ODC1: variants seen among roughly 807,000 people sequenced by gnomAD.
ODC1 encodes ornithine decarboxylase 1, also known as ornithine decarboxylase.
ODC1 carries 18 observed loss-of-function variants against 41.5 expected under a neutral mutation model. The observed-to-expected ratio is 0.43, with a 90% CI of 0.30 to 0.64. The LOEUF (loss-of-function observed/expected upper bound fraction) is 0.64, where lower values mean the gene tolerates loss of function less well. Among genes scored for constraint, ODC1 ranks in the 30% least tolerant of loss-of-function variants. The pLI, the probability that ODC1 is intolerant of heterozygous loss-of-function variation, is 0.11. For synonymous variants in ODC1, 218 were observed against 211.6 expected, an observed-to-expected ratio of 1.03 and a Z score of -0.26; for missense variants, 504 against 589.0, an observed-to-expected ratio of 0.86 and a Z score of 1.49.
chr2:10,446,668 A>T, intron 1 of ODC1: 1 of 351,930 alleles, frequency 2.8e-6, no homozygotes, highest in East Asian at 1.2e-4. Flanking sequence ...AAAATTATTT[A>T]TTTTAACCTT....
At position 10,441,840 on chromosome 2, in the gene ODC1, G is replaced by A. The variant is rs1188218646; in HGVS notation, c.1003C>T (p.His335Tyr). ...ACCTTTTGCAGAAGGGGCTTTACAT[G>A]TGCGTGGTCATAGAGTATGCAATTA... ...SFNCILYDHA[H>Y]VKPLLQKRPK... The change falls in exon 10 of 12, where the codon CAT (histidine) becomes TAT (tyrosine). Residue 335 changes from histidine (H) to tyrosine (Y), a missense_variant. Coordinates refer to ENST00000234111, the MANE Select transcript of ODC1 (RefSeq NM_002539.3). 1.9e-6 allele frequency: 3 copies of A among 1,614,118 alleles called. No individual in the cohort carries two copies. In the Admixed American group the frequency reaches 5.0e-5, roughly 27 times the overall value.
intron 1 of ODC1, among the ~76,000 whole-genome samples, chr2:10,445,516 T>C (rs533418443): frequency 9.2e-5 from 14 of 152,366 alleles, no homozygotes; most frequent in African/African-American, 3.4e-4. Flanking sequence ...CAAAAAAATC[T>C]AGCATGCAAG....
At chr2:10,447,924 G>C (rs941099674) in intron 1 of ODC1, 197 bp downstream of exon 1, 1 of 152,180 alleles carries the variant, frequency 6.6e-6, no homozygotes, top group African/African-American at 2.4e-5. Context: ...CGAGGCGCCC[G>C]GATCACCCTT....
At chr2:10,441,784 T>C (rs1227269665) in intron 10 of ODC1, 33 bp downstream of exon 10, 1 of 1,612,524 alleles carries the variant, frequency 6.2e-7, no homozygotes, top group Admixed American at 1.7e-5. Flanking sequence ...ACCAGTCCTC[T>C]TAATTGTTTT....
intron 6 of ODC1, 56 bp downstream of exon 6, chr2:10,443,646 T>C (rs188863393): frequency 7.7e-4 from 1,237 of 1,607,252 alleles, no homozygotes; most frequent in Non-Finnish European, 9.5e-4. Flanking sequence ...GGAGAAAGCC[T>C]GTAAAACTCA....
At chr2:10,443,982 AACT>A in intron 5 of ODC1, 110 bp downstream of exon 5, 2 of 1,457,062 alleles carry the variant, frequency 1.4e-6, no homozygotes, top group Non-Finnish European at 1.9e-6. Context: ...TGGGGGTTTC[AACT>A]ACTTTCTACT....
chr2:10,446,008 A>T (rs1671999960), intron 1 of ODC1, among the ~76,000 whole-genome samples: 1 of 152,212 alleles, frequency 6.6e-6, no homozygotes, highest in Admixed American at 6.5e-5. Context: ...AAATGTCTGG[A>T]GCATTTGAGA....
chr2:10,444,389 C>A (rs1239545430), intron 4 of ODC1, 85 bp downstream of exon 4: 1 of 1,512,756 alleles, frequency 6.6e-7, no homozygotes, highest in East Asian at 2.3e-5. Flanking sequence ...CATTTATTGC[C>A]CAAAAAACAC....
rs1357321552 is a variant in ODC1, at chr2:10,441,727, T to C, written c.1027-4A>G. The C allele has an allele frequency of 1.2e-6, 2 of 1,613,930 alleles. No homozygotes were observed. The highest frequency in any genetic ancestry group is 1.1e-5 in the South Asian group (1 of 91,072). ...ACTTCTCATCTGGTTTAGGTCTCTA[T>C]ATAAAGAGACGGAGAGAGGAAGTAC... On this transcript the variant is annotated splice_region_variant and splice_polypyrimidine_tract_variant and intron_variant, in intron 10 of 11. Coordinates refer to ENST00000234111, the MANE Select transcript of ODC1 (RefSeq NM_002539.3).
intron 1 of ODC1, 77 bp from the exon 2 acceptor site, chr2:10,445,341 C>G: frequency 3.1e-6 from 1 of 321,402 alleles, no homozygotes; most frequent in South Asian, 2.8e-5. Context: ...GCTGAGCACA[C>G]GCAGAGCTAA....
intron 3 of ODC1, 124 bp from the exon 4 acceptor site, chr2:10,444,771 G>A (rs1671953492): frequency 1.1e-6 from 1 of 874,610 alleles, no homozygotes; most frequent in Non-Finnish European, 1.8e-6. Flanking sequence ...CCACTGATAT[G>A]AGTATCACCA....
chr2:10,446,741 A>G (rs1315518698), intron 1 of ODC1: 2 of 473,002 alleles, frequency 4.2e-6, no homozygotes, highest in Non-Finnish European at 8.3e-6. Context: ...CAGTGCCAGC[A>G]GCCTACGGGC....
intron 11 of ODC1, 122 bp downstream of exon 11, chr2:10,441,387 G>A (rs978507681): frequency 5.0e-5 from 52 of 1,036,778 alleles, no homozygotes; most frequent in Non-Finnish European, 7.1e-5. Flanking sequence ...ACTTTTCTTA[G>A]GAAAAATATC....
intron 8 of ODC1, 91 bp downstream of exon 8, chr2:10,443,139 T>C (rs1314579059): frequency 1.1e-6 from 1 of 929,116 alleles, no homozygotes; most frequent in East Asian, 2.4e-5. Context: ...CAGCCCATTG[T>C]GGTATTAGTT....
chr2:10,446,979 G>A (rs1012409119), intron 1 of ODC1: 2 of 157,280 alleles, frequency 1.3e-5, no homozygotes, highest in African/African-American at 4.8e-5. Flanking sequence ...TTACAGACAT[G>A]GTTATATATT....
Position 10,441,535 on chromosome 2 carries a change from G to T in ODC1, c.1215C>A (p.Ile405=), listed in dbSNP as rs1465533972. 6.2e-7 allele frequency: 1 copy of T among 1,614,118 alleles called. No individual in the cohort carries two copies. Among genetic ancestry groups the T allele is most frequent in the Non-Finnish European group, 8.5e-7 (1 of 1,180,020 alleles). ...ACGCAGGCCCTGACATCACATAGTA[G>T]ATCGTCGGCCTCTGGAAGCCATTGA... The part of the protein sequence containing the change: ...STFNGFQRPT[I]YYVMSGPAWQ... Residue 405 remains isoleucine, a synonymous_variant, in exon 11 of 12, where the codon ATC becomes ATA. Transcript: ENST00000234111.
chr2:10,442,165 C>G lies in ODC1; in HGVS notation c.760G>C (p.Val254Leu), dbSNP rs573428254. 1.2e-6 allele frequency: 2 copies of G among 1,602,422 alleles called. No individual in the cohort carries two copies. Among genetic ancestry groups the G allele is most frequent in the Admixed American group, 1.8e-5 (1 of 56,978 alleles). The stretch of plus-strand genomic sequence containing the variant: ...TATTTGTCCAACGCTGGGTTGATTA[C>G]GCCGGTGATCTAAGAGAGTGAAACA... ...VKLKFEEITGVINPALDKYFP... is the reference protein window; with the variant it reads ...VKLKFEEITGLINPALDKYFP... Residue 254 changes from valine (V) to leucine (L), a missense_variant, in exon 9 of 12, where the codon GTA becomes CTA. By Grantham distance (32) the Val-to-Leu change is conservative (BLOSUM62 1). This residue lies in a region of ODC1 where 447 missense variants were observed against 524.4 expected (regional missense o/e 0.85). Transcript: ENST00000234111.
At chr2:10,443,172 T>C in intron 8 of ODC1, 58 bp downstream of exon 8, 1 of 1,373,558 alleles carries the variant, frequency 7.3e-7, no homozygotes, top group Non-Finnish European at 1.0e-6. Flanking sequence ...TTTTGAAATA[T>C]TCCAAAAAGG....
chr2:10,442,641 C>T (rs924373639), intron 8 of ODC1, among the ~76,000 whole-genome samples: 1 of 152,126 alleles, frequency 6.6e-6, no homozygotes, highest in African/African-American at 2.4e-5. Context: ...AAGCATAGGT[C>T]TAGCAAAGCA....
Sources: gnomAD v4.1 joint callset for allele counts (sites outside exome capture counted in the v4.1 genomes callset) on GRCh38, gnomAD v4.1.1 for gene constraint, gnomAD v4.1.1 regional missense constraint, MANE v1.5 for transcripts, NCBI Gene and HGNC (gene_info 2026-07-23, HGNC 2026-07-21) for gene names.